The following ROBO4 variants were observed in gnomAD, a reference collection of about 807,000 sequenced individuals.
ROBO4 encodes roundabout guidance receptor 4, also known as roundabout homolog 4.
A neutral mutation model predicts 103.3 loss-of-function variants in ROBO4; 80 were observed. The ratio of observed to expected loss-of-function variants is 0.77; its 90% CI spans 0.65 to 0.93. ROBO4 has a LOEUF of 0.93. Among genes scored for constraint, ROBO4 ranks in the 40% least tolerant of loss-of-function variants. ROBO4 has a pLI of 0.00. For missense variants in ROBO4, 1,333 were observed against 1,305.3 expected, an observed-to-expected ratio of 1.02 and a Z score of -0.33; for synonymous variants, 504 against 529.7, an observed-to-expected ratio of 0.95 and a Z score of 0.67.
At chr11:124,892,936 C>T (rs1162043499) in intron 10 of ROBO4, 1 of 152,594 alleles carries the variant, frequency 6.6e-6, no homozygotes, top group Non-Finnish European at 1.5e-5. Flanking sequence ...GGGCTGAGGA[C>T]CTGACAGTGA....
At chr11:124,894,093 G>C (rs7928168) in intron 8 of ROBO4, 48 bp from the exon 9 acceptor site, 251,619 of 1,542,756 alleles carry the variant, frequency 0.16, 25,369 homozygotes, top group African/African-American at 0.5. Flanking sequence ...AGGCATTGAG[G>C]GCCTGGCAGG....
intron 16 of ROBO4, among the ~76,000 whole-genome samples, chr11:124,885,841 A>T (rs1448908459): frequency 6.6e-6 from 1 of 152,150 alleles, no homozygotes; most frequent in Non-Finnish European, 1.5e-5. Flanking sequence ...AAGTCGGGGT[A>T]AGAGGGGAGT....
rs377645881 is a variant in ROBO4 at position 124,886,490 on chromosome 11, G to A, written c.2768C>T (p.Pro923Leu). Residue 923 changes from proline (P) to leucine (L), a missense_variant, in exon 16 of 18, where the codon CCC becomes CTC. Coordinates refer to ENST00000306534, the MANE Select transcript of ROBO4 (RefSeq NM_019055.6). ...TATGAAGACGCAGTCTGCCTCCCTG[G>A]GCTCTAGACCGAAACCAAAGCTATC... is the stretch of plus-strand genomic sequence containing the variant. ...AVDSFGFGLE[P>L]READCVFIDA... is the part of the protein sequence containing the mutation. 6.2e-5 allele frequency: 100 copies of A among 1,613,994 alleles called. No individual in the cohort carries two copies. The South Asian group carries it at 1.0e-3, about 17-fold the overall frequency.
In ROBO4 at chr11:124,895,474, A is replaced by C. The variant is rs371016068; in HGVS notation, c.1019T>G (p.Leu340Arg). ...GCCCTGACCTTTTTCCGGCAGCCTC[A>C]GGAGCAGCACGTTGCTGTCAGGGCC... ...ARGPDSNVLL[L>R]RLPEKVPSAP... Residue 340 changes from leucine (L) to arginine (R), a missense_variant, in exon 6 of 18, where the codon CTG becomes CGG. Physicochemically the swap from Leu to Arg is moderately radical, Grantham distance 102 (BLOSUM62 -2). Transcript: ENST00000306534. 6.2e-7 allele frequency: 1 copy of C among 1,610,274 alleles called. No homozygotes were observed. Among genetic ancestry groups the C allele is most frequent in the Non-Finnish European group, 8.5e-7 (1 of 1,179,994 alleles).
chr11:124,893,965 G>A lies in ROBO4; in HGVS notation c.1399C>T (p.Arg467Trp), dbSNP rs201893985. The A allele has an allele frequency of 9.4e-6, 15 of 1,600,210 alleles. No homozygotes were observed. The highest frequency in any genetic ancestry group is 2.2e-4 in the Middle Eastern group (1 of 4,516). The part of the protein sequence containing the change: ...TLEQLRATLK[R>W]PEVIATCGVA... ...CCGCAGGTGGCAATGACCTCAGGCC[G>A]CTTCAAGGTAGCCCTCAGCTGCTCC... The change falls in exon 9 of 18, where the codon CGG becomes TGG. Residue 467 changes from arginine to tryptophan, a missense_variant. By Grantham distance (101) the Arg-to-Trp change is moderately radical. Transcript: ENST00000306534.
chr11:124,891,318 C>T lies in ROBO4; in HGVS notation c.1929G>A (p.Trp643Ter). The T allele has an allele frequency of 2.0e-6, 3 of 1,520,588 alleles. No homozygotes were observed. The highest frequency in any genetic ancestry group is 2.6e-6 in the Non-Finnish European group (3 of 1,136,566). 94.2% of individuals were successfully genotyped at this position (1,520,588 alleles called of 1,614,324 possible). ...CCTTACCCTGCTTCTTTTTGGCCTTCCAAGCCTCTGCAGGGGCCAGAGACA... is the reference window on the plus strand; with the variant it reads ...CCTTACCCTGCTTCTTTTTGGCCTTTCAAGCCTCTGCAGGGGCCAGAGACA... ...PRLSLAPAEA[W>*]KAKKKQELQH... Residue 643 changes from tryptophan (W) to a stop codon, truncating the protein, a stop_gained, in exon 12 of 18, where the codon TGG becomes TGA. Transcript: ENST00000306534. LOFTEE classifies it high-confidence loss of function.
In ROBO4 at chr11:124,897,260, T is replaced by A; in HGVS notation, c.72A>T (p.Gly24=). ...GGGGCGGGGAGTCCTGAGCCATGCC[T>A]CCTGGGAGGGAAAGGGAGCAGAGCC... ...SLPLLLLLIM[G]GMAQDSPPQI... The change falls in exon 2 of 18, where the codon GGA becomes GGT. Residue 24 remains glycine, a splice_region_variant and synonymous_variant. Transcript: ENST00000306534. The A allele has an allele frequency of 7.0e-7, 1 of 1,437,764 alleles. No homozygotes were observed. Among genetic ancestry groups the A allele is most frequent in the South Asian group, 1.5e-5 (1 of 67,386 alleles). The allele number at this position is 1,437,764 out of a possible 1,614,324, so 89.1% of individuals were successfully genotyped here. A position where few individuals can be genotyped will look rare whatever the true frequency, so the allele number is the denominator to read the frequency against.
At position 124,885,063 on chromosome 11, in the gene ROBO4, G is replaced by A. The variant is rs368773895; in HGVS notation, c.2979C>T (p.His993=). The A allele has an allele frequency of 6.2e-7, 1 of 1,614,194 alleles. No individual in the cohort carries two copies. The stretch of plus-strand genomic sequence containing the variant: ...CACCACCAGCCTTGGGCATACGACA[G>A]TGGAGCTGACTTCTCTGGGAAGAGA... ...SQISSQRSQL[H]CRMPKAGASP... The change falls in exon 17 of 18, where the codon CAC becomes CAT. Residue 993 remains histidine (H), a synonymous_variant. Coordinates refer to ENST00000306534, the MANE Select transcript of ROBO4 (RefSeq NM_019055.6).
chr11:124,897,703 C>T lies in ROBO4; in HGVS notation c.70+23G>A, dbSNP rs772875318. 1.9e-6 allele frequency: 3 copies of T among 1,612,258 alleles called. No homozygotes were observed. In the Admixed American group the frequency reaches 5.0e-5, roughly 27 times the overall value. ...CAGGCCTTGGATGGAGGAGCATGGGCCAGGAGAGGGAGAGCAACTCACCCA... is the reference window on the plus strand; with the variant it reads ...CAGGCCTTGGATGGAGGAGCATGGGTCAGGAGAGGGAGAGCAACTCACCCA... On this transcript the variant is annotated intron_variant, in intron 1 of 17. Transcript: ENST00000306534.
Position 124,893,949 on chromosome 11 carries a change from G to A in ROBO4, c.1415C>T (p.Ala472Val), listed in dbSNP as rs544514525. The A allele has an allele frequency of 7.5e-6, 12 of 1,609,322 alleles. No individual in the cohort carries two copies. The South Asian group carries it at 1.2e-4, about 16-fold the overall frequency. The stretch of plus-strand genomic sequence containing the variant: ...CAGCCAGAGTGCAACACCGCAGGTG[G>A]CAATGACCTCAGGCCGCTTCAAGGT... The part of the protein sequence containing the change: ...RATLKRPEVI[A>V]TCGVALWLLL... Residue 472 changes from alanine (A) to valine (V), a missense_variant, in exon 9 of 18, where the codon GCC (alanine) becomes GTC (valine). Physicochemically the swap from Ala to Val is moderately conservative, Grantham distance 64. Transcript: ENST00000306534.
intron 11 of ROBO4, 25 bp downstream of exon 11, chr11:124,891,641 C>T (rs1427898394): frequency 2.5e-6 from 4 of 1,614,154 alleles, no homozygotes; most frequent in Non-Finnish European, 3.4e-6. Context: ...CCAGCTAGGC[C>T]CTTGCCCCCA....
At chr11:124,897,482 TC>T in intron 1 of ROBO4, 1 of 583,144 alleles carries the variant, frequency 1.7e-6, no homozygotes, top group Non-Finnish European at 3.1e-6. Flanking sequence ...TCTCTCTCTC[TC>T]TCTCTCTCTC....
chr11:124,894,411 C>G, intron 7 of ROBO4, 42 bp from the exon 8 acceptor site: 1 of 1,579,640 alleles, frequency 6.3e-7, no homozygotes, highest in Non-Finnish European at 8.6e-7. Flanking sequence ...CAGGCACCAT[C>G]CCAGAAGCCA....
chr11:124,891,561 C>T lies in ROBO4; in HGVS notation c.1686G>A (p.Leu562=). Residue 562 remains leucine (L), a splice_region_variant and synonymous_variant, in exon 12 of 18, where the codon TTG becomes TTA. Transcript: ENST00000306534. Reference sequence around the variant, plus strand: ...CGGGGCTTCGGGAGTCCCAGGAGAGCACTGTGACATAAATGACAGGAGGAA... The same window carrying T: ...CGGGGCTTCGGGAGTCCCAGGAGAGTACTGTGACATAAATGACAGGAGGAA... ...ARDPLDCRRS[L]LSWDSRSPGV... The T allele has an allele frequency of 6.2e-7, 1 of 1,614,206 alleles. No individual in the cohort carries two copies.
At chr11:124,886,226 G>A (rs1456344529) in intron 16 of ROBO4, among the ~76,000 whole-genome samples, 1 of 152,180 alleles carries the variant, frequency 6.6e-6, no homozygotes, top group Non-Finnish European at 1.5e-5. Context: ...TTGTTCTGTG[G>A]GTGAACTTGG....
At chr11:124,889,572 TAATG>T (rs1359547129) in intron 12 of ROBO4, among the ~76,000 whole-genome samples, 1 of 152,180 alleles carries the variant, frequency 6.6e-6, no homozygotes, top group African/African-American at 2.4e-5. Context: ...TTGAATAAAA[TAATG>T]AATGAATGAG....
At chr11:124,892,768 A>G (rs1445272362) in intron 10 of ROBO4, 1 of 152,384 alleles carries the variant, frequency 6.6e-6, no homozygotes, top group Non-Finnish European at 1.5e-5. Context: ...TGAACCAAAG[A>G]TCAGAAGGAA....
Position 124,895,589 on chromosome 11 carries a change from G to A in ROBO4, c.904C>T (p.Leu302=). The A allele has an allele frequency of 6.2e-7, 1 of 1,613,584 alleles. No homozygotes were observed. The highest frequency in any genetic ancestry group is 8.5e-7 in the Non-Finnish European group (1 of 1,180,016). ...GQGAPWAEEL[L]AGWQSAELGG... ...AGCTCTGCGCTCTGCCAGCCGGCCAGCAGCTCCTCTGCCCACGGAGCTCCC... is the reference window on the plus strand; with the variant it reads ...AGCTCTGCGCTCTGCCAGCCGGCCAACAGCTCCTCTGCCCACGGAGCTCCC... Residue 302 remains leucine (L), a synonymous_variant, in exon 6 of 18, where the codon CTG becomes TTG. Transcript: ENST00000306534.
At position 124,896,308 on chromosome 11, in the gene ROBO4, C is replaced by A. The variant is rs756636036; in HGVS notation, c.569G>T (p.Gly190Val). The A allele has an allele frequency of 5.6e-6, 9 of 1,614,004 alleles. No homozygotes were observed. The highest frequency in any genetic ancestry group is 1.7e-5 in the Admixed American group (1 of 60,016). Reference protein sequence around the residue: ...LQPGRHTVSGGSLLMARAEKS... With the variant: ...LQPGRHTVSGVSLLMARAEKS... ...CTCTGCTCTTGCCATCAGCAGGGAC[C>A]CCCCGGACACCTGTCAGGGCCAGGT... Residue 190 changes from glycine (G) to valine (V), a missense_variant, in exon 4 of 18, where the codon GGG (glycine) becomes GTG (valine). By Grantham distance (109) the Gly-to-Val change is moderately radical. Transcript: ENST00000306534.
Sources: allele counts gnomAD v4.1 joint callset (sites outside exome capture counted in the v4.1 genomes callset), GRCh38; gene constraint gnomAD v4.1.1; transcripts MANE v1.5; gene names NCBI Gene and HGNC (gene_info 2026-07-23, HGNC 2026-07-21).